KYNU: variants seen among roughly 807,000 people sequenced by gnomAD.
KYNU encodes L-kynurenine hydrolase.
KYNU carries 54 observed loss-of-function variants against 59.2 expected under a neutral mutation model. The observed-to-expected ratio is 0.91, with a 90% CI of 0.73 to 1.14. The LOEUF is 1.14. Among genes scored for constraint, KYNU ranks in the 50% most tolerant of loss-of-function variants. The pLI, the probability that KYNU is intolerant of heterozygous loss-of-function variation, is 0.00. For synonymous variants in KYNU, 177 were observed against 192.0 expected (o/e 0.92, Z 0.65); for missense variants, 567 against 554.4 (o/e 1.02, Z -0.23).
intron 10 of KYNU, chr2:142,989,548 C>T: frequency 1.1e-6 from 1 of 935,798 alleles, no homozygotes; most frequent in Non-Finnish European, 1.3e-6. Flanking sequence ...CATTTCTTCT[C>T]ATGGTCCACT....
intron 10 of KYNU, among the ~76,000 whole-genome samples, chr2:143,007,836 A>C (rs1260616077): frequency 2.5e-5 from 3 of 119,058 alleles, no homozygotes; most frequent in African/African-American, 1.2e-4. Flanking sequence ...GAAATAAAAT[A>C]CTTTACAGAC....
chr2:142,945,577 T>A (rs1156697765), intron 4 of KYNU, among the ~76,000 whole-genome samples: 3 of 152,160 alleles, frequency 2.0e-5, no homozygotes, highest in Non-Finnish European at 4.4e-5. Flanking sequence ...CAGTTCCTGT[T>A]CATGTTGATA....
chr2:142,947,164 T>A, intron 4 of KYNU: 1 of 1,551,082 alleles, frequency 6.4e-7, no homozygotes, highest in African/African-American at 1.4e-5. Flanking sequence ...GTATGTGTAA[T>A]CTTAAGTCAT....
At chr2:142,889,338 G>A (rs971190875) in intron 2 of KYNU, among the ~76,000 whole-genome samples, 1 of 152,022 alleles carries the variant, frequency 6.6e-6, no homozygotes, top group African/African-American at 2.4e-5. Context: ...CTGTATTTTT[G>A]GATTCTTCTT....
At chr2:142,962,493 CT>C (rs1269102877) in intron 8 of KYNU, among the ~76,000 whole-genome samples, 2 of 152,158 alleles carry the variant, frequency 1.3e-5, no homozygotes, top group African/African-American at 2.4e-5. Flanking sequence ...GAGACACTTT[CT>C]TTTGTTTCCC....
intron 12 of KYNU, among the ~76,000 whole-genome samples, chr2:143,034,195 T>A (rs1686831913): frequency 6.6e-6 from 1 of 151,438 alleles, no homozygotes; most frequent in African/African-American, 2.4e-5. Flanking sequence ...AATTGTATAT[T>A]TTGTATACCT....
intron 4 of KYNU, among the ~76,000 whole-genome samples, chr2:142,939,473 G>A (rs916182182): frequency 1.3e-5 from 2 of 151,474 alleles, no homozygotes; most frequent in South Asian, 2.1e-4. Flanking sequence ...ATTGTGGCAC[G>A]TGTCTGAAAT....
In KYNU at chr2:143,042,583, GATATATATATATATATAT is replaced by G. The variant is rs10528472; in HGVS notation, c.*442_*459del. 1,958 of 136,446 alleles carry G rather than the reference GATATATATATATATATAT, an allele frequency of 0.014. 73 individuals are homozygous for G. The highest frequency in any genetic ancestry group is 0.055 in the African/African-American group (1,806 of 32,904). The allele number at this position is 136,446 out of a possible 1,614,324, so 8.5% of individuals were successfully genotyped here. On this transcript the variant is annotated 3_prime_UTR_variant, in exon 14 of 14. Coordinates refer to ENST00000264170, the MANE Select transcript of KYNU (RefSeq NM_003937.3). ...GAGTTTCTTTGAAGCATTGTAGTCT[GATATATATATATATATAT>G]ATATATATATATATATATATATATA...
intron 2 of KYNU, among the ~76,000 whole-genome samples, chr2:142,899,846 C>T (rs527280610): frequency 6.6e-6 from 1 of 152,284 alleles, no homozygotes; most frequent in South Asian, 2.1e-4. Flanking sequence ...TGACTATCTG[C>T]TTGATAGTTT....
intron 10 of KYNU, among the ~76,000 whole-genome samples, chr2:143,010,617 CA>C (rs1686062435): frequency 7.0e-6 from 1 of 143,790 alleles, no homozygotes; most frequent in East Asian, 2.2e-4. Context: ...AATCCTAAGC[CA>C]AAAGAACAAA....
Position 142,894,188 on chromosome 2 carries a change from T to C in KYNU, c.169+8652T>C, listed in dbSNP as rs1244313094. ...CAGAGAGAACTAATGGGTTCAAAATTAGGCAAGAGTATCTAAGGAGTGTGT... is the reference window on the plus strand; with the variant it reads ...CAGAGAGAACTAATGGGTTCAAAATCAGGCAAGAGTATCTAAGGAGTGTGT... On this transcript the variant is annotated intron_variant, in intron 2 of 13. Transcript: ENST00000264170. 2.0e-5 allele frequency among the ~76,000 whole-genome samples: 3 copies of C among 152,202 alleles called. No homozygotes were observed. The East Asian group carries it at 5.8e-4, about 29-fold the overall frequency.
At chr2:142,911,515 A>T (rs1013640130) in intron 2 of KYNU, among the ~76,000 whole-genome samples, 5 of 151,716 alleles carry the variant, frequency 3.3e-5, no homozygotes, top group African/African-American at 7.3e-5. Flanking sequence ...AAGATAGATA[A>T]TTTTTTTTCT....
At position 142,972,807 on chromosome 2, in the gene KYNU, T is replaced by TAGAGAGAG. The variant is rs1243876239; in HGVS notation, c.729+12038_729+12039insGAGAGAGA. ...GACAGAGGCCATATATATATATATA[T>TAGAGAGAG]ATATATAGAGAGAGAGAGAGAGAGA... is the stretch of plus-strand genomic sequence containing the variant. On this transcript the variant is annotated intron_variant, in intron 8 of 13. Transcript: ENST00000264170. Among the ~76,000 whole-genome samples the TAGAGAGAG allele has an allele frequency of 2.2e-4, 30 of 138,338 alleles. No individual in the cohort carries two copies. The East Asian group carries it at 6.0e-3, about 28-fold the overall frequency. 90.8% of individuals were successfully genotyped at this position (138,338 alleles called of 152,430 possible).
intron 1 of KYNU, among the ~76,000 whole-genome samples, chr2:142,885,097 T>C (rs1681456924): frequency 7.9e-6 from 1 of 127,060 alleles, no homozygotes; most frequent in African/African-American, 3.0e-5. Context: ...ACTCCTGACC[T>C]CAAGTGATCC....
At chr2:142,963,911 T>C (rs1684437181) in intron 8 of KYNU, among the ~76,000 whole-genome samples, 1 of 152,200 alleles carries the variant, frequency 6.6e-6, no homozygotes, top group South Asian at 2.1e-4. Flanking sequence ...ACACACCAAA[T>C]CTGGAAATCT....
Position 143,045,769 on chromosome 2 carries a change from A to G in KYNU, c.*3597A>G, listed in dbSNP as rs1687155500. ...CCTACCTTAACCTCCTGAGTAGCTG[A>G]GACTTTAGTCACACACCACCATGCC... On this transcript the variant is annotated 3_prime_UTR_variant, in exon 14 of 14. Transcript: ENST00000264170. 6.6e-6 allele frequency: 1 copy of G among 152,232 alleles called. No homozygotes were observed. Among genetic ancestry groups the G allele is most frequent in the South Asian group, 2.1e-4 (1 of 4,820 alleles). 9.4% of individuals were successfully genotyped at this position (152,232 alleles called of 1,614,324 possible). A position where few individuals can be genotyped will look rare whatever the true frequency, so the allele number is the denominator to read the frequency against.
intron 9 of KYNU, 137 bp downstream of exon 9, chr2:142,985,319 TA>T (rs1685167986): frequency 4.4e-6 from 3 of 686,486 alleles, no homozygotes; most frequent in Admixed American, 2.1e-5. Flanking sequence ...TGCTTTTTGT[TA>T]ATCGAGTTAT....
chr2:142,927,739 T>C lies in KYNU; in HGVS notation c.371T>C (p.Val124Ala). 6.2e-7 allele frequency: 1 copy of C among 1,604,120 alleles called. No homozygotes were observed. The highest frequency in any genetic ancestry group is 8.5e-7 in the Non-Finnish European group (1 of 1,170,992). The change falls in exon 4 of 14, where the codon GTA (valine) becomes GCA (alanine). Residue 124 changes from valine (V) to alanine (A), a missense_variant and splice_region_variant. Transcript: ENST00000264170. ...ESIVGLMKDI[V>A]GANEKEIALM... The stretch of plus-strand genomic sequence containing the variant: ...ATTGTAGGCCTTATGAAGGACATTG[T>C]AGGTAAGTACAAAACACTGAAGTTT...
chr2:143,043,427 T>C lies in KYNU; in HGVS notation c.*1255T>C, dbSNP rs1419032821. On this transcript the variant is annotated 3_prime_UTR_variant, in exon 14 of 14. Transcript: ENST00000264170. ...TCAACAAAAAGAGTGACATAATTAT[T>C]GCCTCCAATTAAACAAGTTTGAATG... 1 of 152,008 alleles carries C rather than the reference T, an allele frequency of 6.6e-6. No individual in the cohort carries two copies. The highest frequency in any genetic ancestry group is 1.5e-5 in the Non-Finnish European group (1 of 67,976). 9.4% of individuals were successfully genotyped at this position (152,008 alleles called of 1,614,324 possible).
Sources: gnomAD v4.1 joint callset for allele counts (sites outside exome capture counted in the v4.1 genomes callset) on GRCh38, gnomAD v4.1.1 for gene constraint, MANE v1.5 for transcripts, NCBI Gene and HGNC (gene_info 2026-07-23, HGNC 2026-07-21) for gene names.